The following TMC3 variants were observed in gnomAD, a reference collection of about 807,000 sequenced individuals.
TMC3 encodes the protein transmembrane channel-like protein 3.
A neutral mutation model predicts 110.6 loss-of-function variants in TMC3; 98 were observed. The ratio of observed to expected loss-of-function variants is 0.89; its 90% CI spans 0.75 to 1.05. The LOEUF is 1.05. Ranked by LOEUF, TMC3 falls within the 50% of genes least tolerant of loss-of-function variation. The pLI, the probability that TMC3 is intolerant of heterozygous loss-of-function variation, is 0.00. For missense variants in TMC3, 1,319 were observed against 1,373.2 expected, an observed-to-expected ratio of 0.96 and a Z score of 0.62; for synonymous variants, 489 against 513.1, an observed-to-expected ratio of 0.95 and a Z score of 0.63.
In TMC3 at chr15:81,371,688, A is replaced by G. The variant is rs190309537; in HGVS notation, c.236+903T>C. ...ACCAGATACAATGCTAAGCACTCAC[A>G]GGGTTCATCCCATTTGATCCTTCAA... On this transcript the variant is annotated intron_variant, in intron 2 of 21. Transcript: ENST00000359440. Among the ~76,000 whole-genome samples the G allele has an allele frequency of 2.0e-5, 3 of 152,348 alleles. No homozygotes were observed. In the East Asian group the frequency reaches 5.8e-4, roughly 29 times the overall value.
Position 81,351,605 on chromosome 15 carries a change from G to C in TMC3, c.1083+89C>G, listed in dbSNP as rs1567065591. On this transcript the variant is annotated intron_variant, in intron 10 of 21. Transcript: ENST00000359440. ...GACCTCAAGTGATCCACCTGCCCCA[G>C]CCTCCCAAAGTGCTGGGATTACAGG... is the stretch of plus-strand genomic sequence containing the variant. 2.7e-6 allele frequency: 4 copies of C among 1,481,508 alleles called. No individual in the cohort carries two copies. In the African/African-American group the frequency reaches 5.6e-5, roughly 21 times the overall value. 91.8% of individuals were successfully genotyped at this position (1,481,508 alleles called of 1,614,324 possible). A position where few individuals can be genotyped will look rare whatever the true frequency, so the allele number is the denominator to read the frequency against.
At position 81,332,453 on chromosome 15, in the gene TMC3, A is replaced by G. The variant is rs1210832941; in HGVS notation, c.3269T>C (p.Val1090Ala). ...RKAKSGQELT[V>A]DLDDLICSDV ...TGAACAAATCAAGTCATCCAGATCC[A>G]CGGTCAGCTCCTGCCCCGACTTGGC... is the stretch of plus-strand genomic sequence containing the variant. The change falls in exon 22 of 22, where the codon GTG (valine) becomes GCG (alanine). Residue 1090 changes from valine (V) to alanine (A), a missense_variant. Physicochemically the swap from Val to Ala is moderately conservative, Grantham distance 64. Coordinates refer to ENST00000359440, the MANE Select transcript of TMC3 (RefSeq NM_001080532.3). 1 of 1,611,336 alleles carries G rather than the reference A, an allele frequency of 6.2e-7. No individual in the cohort carries two copies. The highest frequency in any genetic ancestry group is 8.5e-7 in the Non-Finnish European group (1 of 1,178,732).
Position 81,352,592 on chromosome 15 carries a change from A to G in TMC3, c.936-751T>C, listed in dbSNP as rs896051279. On this transcript the variant is annotated intron_variant, in intron 9 of 21. Transcript: ENST00000359440. Reference sequence around the variant, plus strand: ...AATCATTATTTTAGGGTATACTTCTACTTATTTAAAACAAAATGTTAACTG... The same window carrying G: ...AATCATTATTTTAGGGTATACTTCTGCTTATTTAAAACAAAATGTTAACTG... Among the ~76,000 whole-genome samples the G allele has an allele frequency of 5.3e-5, 8 of 152,288 alleles. No individual in the cohort carries two copies. The East Asian group carries it at 1.5e-3, about 29-fold the overall frequency.
chr15:81,363,579 A>T (rs1373477898), intron 3 of TMC3, among the ~76,000 whole-genome samples: 2 of 152,246 alleles, frequency 1.3e-5, no homozygotes, highest in African/African-American at 4.8e-5. Flanking sequence ...TCTGAATTTT[A>T]TCAGAAGTTT....
intron 11 of TMC3, 137 bp from the exon 12 acceptor site, chr15:81,346,580 C>T: frequency 1.2e-6 from 1 of 801,376 alleles, no homozygotes; most frequent in Non-Finnish European, 2.0e-6. Flanking sequence ...TCTAGAATCA[C>T]CTTGCGGGCA....
intron 21 of TMC3, among the ~76,000 whole-genome samples, chr15:81,333,789 G>C (rs140649624): frequency 2.0e-5 from 3 of 152,260 alleles, no homozygotes; most frequent in East Asian, 3.9e-4. Flanking sequence ...AGGAGTTTGA[G>C]ACCAGCCTGG....
intron 20 of TMC3, 118 bp downstream of exon 20, chr15:81,336,491 C>T (rs34480099): frequency 4.4e-5 from 40 of 909,168 alleles, no homozygotes; most frequent in Admixed American, 1.9e-4. Flanking sequence ...TCACTTGAAC[C>T]GGGAAGGTGG....
chr15:81,344,130 C>T, intron 13 of TMC3, 85 bp from the exon 14 acceptor site: 2 of 1,468,542 alleles, frequency 1.4e-6, no homozygotes, highest in African/African-American at 1.4e-5. Context: ...AATCTCTGTT[C>T]ATTCTTGTGG....
At position 81,373,970 on chromosome 15, in the gene TMC3, A is replaced by T; in HGVS notation, c.89+19T>A. 1.2e-6 allele frequency: 2 copies of T among 1,611,364 alleles called. No homozygotes were observed. On this transcript the variant is annotated intron_variant, in intron 1 of 21. Transcript: ENST00000359440. ...CACACCTGACTCCTCTGCCCAGCTG[A>T]TGAATGGGGCCAGCTCACCTGAGCA...
intron 4 of TMC3, among the ~76,000 whole-genome samples, chr15:81,359,891 C>T (rs1405873244): frequency 2.0e-5 from 3 of 152,152 alleles, no homozygotes. Flanking sequence ...AGATAAAACA[C>T]CATTTGCTAG....
At chr15:81,351,430 C>T (rs1893947470) in intron 10 of TMC3, among the ~76,000 whole-genome samples, 2 of 147,440 alleles carry the variant, frequency 1.4e-5, no homozygotes, top group Middle Eastern at 7.2e-3. Flanking sequence ...TTGGCTCACT[C>T]TAGCCTCCGT....
At chr15:81,339,821 C>A (rs923156523) in intron 16 of TMC3, among the ~76,000 whole-genome samples, 4 of 152,232 alleles carry the variant, frequency 2.6e-5, no homozygotes, top group African/African-American at 7.2e-5. Context: ...ACAGTAAACT[C>A]AATTTATGGA....
chr15:81,347,539 G>A (rs997130699), intron 11 of TMC3, among the ~76,000 whole-genome samples: 4 of 152,222 alleles, frequency 2.6e-5, no homozygotes, highest in Non-Finnish European at 5.9e-5. Context: ...TATTCAGTAA[G>A]TGTTGGCCAA....
chr15:81,354,393 A>G (rs1894013398), intron 9 of TMC3, among the ~76,000 whole-genome samples: 1 of 152,216 alleles, frequency 6.6e-6, no homozygotes, highest in African/African-American at 2.4e-5. Flanking sequence ...GGCTTATGAA[A>G]TGCCTGACAG....
intron 3 of TMC3, 90 bp from the exon 4 acceptor site, chr15:81,362,391 A>AGGGAGTGT: frequency 3.1e-6 from 3 of 963,282 alleles, no homozygotes; most frequent in Non-Finnish European, 4.8e-6. Flanking sequence ...AGTATACCAG[A>AGGGAGTGT]CACTCCCTCT....
intron 7 of TMC3, 49 bp from the exon 8 acceptor site, chr15:81,356,643 G>T: frequency 4.5e-6 from 7 of 1,549,858 alleles, no homozygotes; most frequent in Non-Finnish European, 6.1e-6. Context: ...GGAATAGGGG[G>T]CTGTAGCTAG....
intron 21 of TMC3, among the ~76,000 whole-genome samples, chr15:81,333,847 G>A (rs1474627620): frequency 2.6e-5 from 4 of 152,050 alleles, no homozygotes; most frequent in Non-Finnish European, 4.4e-5. Context: ...AAAAATAGCC[G>A]GGTGTGGTGG....
Position 81,344,810 on chromosome 15 carries a change from T to C in TMC3, c.1474A>G (p.Thr492Ala). 6.2e-7 allele frequency: 1 copy of C among 1,613,850 alleles called. No individual in the cohort carries two copies. The highest frequency in any genetic ancestry group is 1.3e-5 in the African/African-American group (1 of 75,008). ...CAGCACTGGTCTTGTGGACTCTGAG[T>C]GTGGAGGCTAGTCTTGTTGGCCTTT... ...LIKANKTSLH[T>A]QSPQDQCWET... The change falls in exon 13 of 22, where the codon ACT becomes GCT. Residue 492 changes from threonine (T) to alanine (A), a missense_variant. Thr to Ala is a moderately conservative substitution (Grantham distance 58). Transcript: ENST00000359440.
chr15:81,362,137 C>T lies in TMC3; in HGVS notation c.394+83G>A, dbSNP rs114528126. On this transcript the variant is annotated intron_variant, in intron 4 of 21. Transcript: ENST00000359440. ...TGCCCTCAGCTGCACAGCATAAGGA[C>T]CAGAACACAGCAGACTCTCCTTAGG... The T allele has an allele frequency of 3.2e-3, 4,081 of 1,274,434 alleles. 134 individuals are homozygous for T. The African/African-American group carries it at 0.054, about 17-fold the overall frequency. 78.9% of individuals were successfully genotyped at this position (1,274,434 alleles called of 1,614,324 possible). A position where few individuals can be genotyped will look rare whatever the true frequency, so the allele number is the denominator to read the frequency against.
Sources: allele counts gnomAD v4.1 joint callset (sites outside exome capture counted in the v4.1 genomes callset), GRCh38; gene constraint gnomAD v4.1.1; transcripts MANE v1.5; gene names NCBI Gene and HGNC (gene_info 2026-07-23, HGNC 2026-07-21).